The following RNF122 variants were observed in gnomAD, a reference collection of about 807,000 sequenced individuals.
RNF122 encodes the protein ring finger protein 122.
In RNF122, 17 loss-of-function variants were observed where a neutral mutation model predicts 24.2. The observed-to-expected ratio is 0.70, with a 90% CI of 0.48 to 1.06. The LOEUF is 1.06. Ranked by LOEUF, RNF122 falls within the 50% of genes least tolerant of loss-of-function variation. RNF122 has a pLI of 0.00. For synonymous variants in RNF122, 65 were observed against 71.8 expected (o/e 0.91, Z 0.48); for missense variants, 168 against 198.1 (o/e 0.85, Z 0.91).
rs1810321882 is a variant in RNF122, at chr8:33,548,532, C to T, written c.*221G>A. On this transcript the variant is annotated 3_prime_UTR_variant, in exon 6 of 6. Coordinates refer to ENST00000256257, the MANE Select transcript of RNF122 (RefSeq NM_024787.3). Reference sequence around the variant, plus strand: ...CAGTGGTCTTGATGGGTGAGGCCACCAGCATGGAGTAGCAGGGAAGAAGGC... The same window carrying T: ...CAGTGGTCTTGATGGGTGAGGCCACTAGCATGGAGTAGCAGGGAAGAAGGC... 2.1e-6 allele frequency: 1 copy of T among 465,594 alleles called. No homozygotes were observed. 28.8% of individuals were successfully genotyped at this position (465,594 alleles called of 1,614,324 possible). A position where few individuals can be genotyped will look rare whatever the true frequency, so the allele number is the denominator to read the frequency against.
At chr8:33,563,124 A>C (rs1810566277) in intron 1 of RNF122, among the ~76,000 whole-genome samples, 1 of 151,730 alleles carries the variant, frequency 6.6e-6, no homozygotes, top group Non-Finnish European at 1.5e-5. Flanking sequence ...AAAGAAAAAA[A>C]AAAAAAAGCC....
At chr8:33,549,592 A>G (rs1015534915) in intron 4 of RNF122, 100 bp from the exon 5 acceptor site, 17 of 839,258 alleles carry the variant, frequency 2.0e-5, no homozygotes, top group Non-Finnish European at 3.4e-5. Context: ...CTGTTCTACC[A>G]GGCAGAGAAA....
At chr8:33,549,028 C>G (rs143047865) in intron 5 of RNF122, among the ~76,000 whole-genome samples, 161 bp from the exon 6 acceptor site, 2,658 of 152,096 alleles carry the variant, frequency 0.017, 79 homozygotes, top group African/African-American at 0.06. Flanking sequence ...CGAGACCAGC[C>G]TGGCCAACAT....
chr8:33,559,075 C>A (rs1159363337), intron 1 of RNF122, among the ~76,000 whole-genome samples: 1 of 152,066 alleles, frequency 6.6e-6, no homozygotes, highest in African/African-American at 2.4e-5. Flanking sequence ...GAGGCTGAGG[C>A]AGGTGATCTC....
At chr8:33,560,399 G>T (rs1250898297) in intron 1 of RNF122, among the ~76,000 whole-genome samples, 2 of 151,906 alleles carry the variant, frequency 1.3e-5, no homozygotes, top group Non-Finnish European at 2.9e-5. Flanking sequence ...TGGAGACAAG[G>T]TCTCACTCTG....
chr8:33,551,024 C>A lies in RNF122; in HGVS notation c.270+20G>T, dbSNP rs201097247. ...CCTCACCTGCTGGGGCCCTCCTGCACACTTTCCTGGCACACTTACCCCATA... is the reference window on the plus strand; with the variant it reads ...CCTCACCTGCTGGGGCCCTCCTGCAAACTTTCCTGGCACACTTACCCCATA... On this transcript the variant is annotated intron_variant, in intron 4 of 5. Transcript: ENST00000256257. 2 of 1,613,852 alleles carry A rather than the reference C, an allele frequency of 1.2e-6. No individual in the cohort carries two copies. The highest frequency in any genetic ancestry group is 1.7e-5 in the Admixed American group (1 of 60,002).
Position 33,548,791 on chromosome 8 carries a change from T to C in RNF122, c.430A>G (p.Thr144Ala). Residue 144 changes from threonine to alanine, a missense_variant, in exon 6 of 6, where the codon ACG (threonine) becomes GCG (alanine). Transcript: ENST00000256257. ...TCCAATAGAATCCCAATGTTCTGCG[T>C]GGCCTCTGAGGGACTAGCAATGGGC... Reference protein sequence around the residue: ...NKPIASPSEATQNIGILLDEL... With the variant: ...NKPIASPSEAAQNIGILLDEL... The C allele has an allele frequency of 6.2e-7, 1 of 1,613,970 alleles. No individual in the cohort carries two copies. Among genetic ancestry groups the C allele is most frequent in the Non-Finnish European group, 8.5e-7 (1 of 1,179,932 alleles).
At chr8:33,549,531 A>T in intron 4 of RNF122, 39 bp from the exon 5 acceptor site, 2 of 1,485,882 alleles carry the variant, frequency 1.3e-6, no homozygotes, top group Non-Finnish European at 1.9e-6. Context: ...GGAACTGGGG[A>T]ACCATCTCAC....
chr8:33,552,339 C>T (rs910242918), intron 2 of RNF122, among the ~76,000 whole-genome samples: 10 of 152,036 alleles, frequency 6.6e-5, no homozygotes, highest in African/African-American at 2.4e-4. Flanking sequence ...ACGGAGGTTG[C>T]AGTGAGCCGA....
In RNF122 at chr8:33,560,268, C is replaced by G. The variant is rs149777752; in HGVS notation, c.26-1497G>C. 4.6e-5 allele frequency among the ~76,000 whole-genome samples: 7 copies of G among 152,328 alleles called. No individual in the cohort carries two copies. In the South Asian group the frequency reaches 6.2e-4, roughly 14 times the overall value. ...GATAAATACTGACTGGCCTACTCAT[C>G]ATGATAGTCACCTCTCCCTTCCCCC... is the stretch of plus-strand genomic sequence containing the variant. On this transcript the variant is annotated intron_variant, in intron 1 of 5. Coordinates refer to ENST00000256257, the MANE Select transcript of RNF122 (RefSeq NM_024787.3).
rs1054105199 is a variant in RNF122 at position 33,567,107 on chromosome 8, T to C, written c.-384A>G. 1.9e-4 allele frequency: 53 copies of C among 278,246 alleles called. No individual in the cohort carries two copies. The highest frequency in any genetic ancestry group is 3.3e-4 in the Non-Finnish European group (47 of 143,112). The allele number at this position is 278,246 out of a possible 1,614,324, so 17.2% of individuals were successfully genotyped here. ...CGGGTTCAGCGGCGCAGAGGTGAGC[T>C]GGCTGGGGTTCCGAAACTGACACCC... is the stretch of plus-strand genomic sequence containing the variant. On this transcript the variant is annotated 5_prime_UTR_variant, in exon 1 of 6. Coordinates refer to ENST00000256257, the MANE Select transcript of RNF122 (RefSeq NM_024787.3).
intron 1 of RNF122, among the ~76,000 whole-genome samples, chr8:33,563,008 T>C (rs1174902363): frequency 1.3e-5 from 2 of 151,856 alleles, no homozygotes; most frequent in East Asian, 3.9e-4. Context: ...GGAGAATTGG[T>C]TGAACCCGGG....
At chr8:33,551,176 C>A (rs369194696) in intron 3 of RNF122, 91 bp from the exon 4 acceptor site, 1 of 1,518,680 alleles carries the variant, frequency 6.6e-7, no homozygotes, top group Non-Finnish European at 9.1e-7. Context: ...GTCCCCTGGA[C>A]TGCCTGGGGC....
rs1810307369 is a variant in RNF122, at chr8:33,547,836, A to G, written c.*917T>C. ...ACCCTCACCCACTCCAGGGAGGAAC[A>G]GAAAATCCCCACCCCCTTCCATTCT... is the stretch of plus-strand genomic sequence containing the variant. On this transcript the variant is annotated 3_prime_UTR_variant, in exon 6 of 6. Transcript: ENST00000256257. 1 of 152,056 alleles carries G rather than the reference A, an allele frequency of 6.6e-6. No individual in the cohort carries two copies. Among genetic ancestry groups the G allele is most frequent in the Admixed American group, 6.6e-5 (1 of 15,238 alleles). The allele number at this position is 152,056 out of a possible 1,614,324, so 9.4% of individuals were successfully genotyped here.
intron 5 of RNF122, 29 bp from the exon 6 acceptor site, chr8:33,548,896 T>G: frequency 3.0e-4 from 434 of 1,444,590 alleles, no homozygotes; most frequent in Non-Finnish European, 3.8e-4. Flanking sequence ...TGGTAATCTC[T>G]AACCAGACAG....
intron 1 of RNF122, among the ~76,000 whole-genome samples, chr8:33,564,873 AAAAAAAT>A (rs1156426188): frequency 7.9e-5 from 12 of 152,230 alleles, no homozygotes; most frequent in East Asian, 7.7e-4. Context: ...ACTCAGTCTC[AAAAAAAT>A]AAAAAATAAA....
At chr8:33,561,927 C>T (rs1437505966) in intron 1 of RNF122, among the ~76,000 whole-genome samples, 1 of 152,104 alleles carries the variant, frequency 6.6e-6, no homozygotes. Flanking sequence ...CCTGTCCCTT[C>T]ACAACTTCCT....
chr8:33,550,555 C>T (rs1380972159), intron 4 of RNF122, among the ~76,000 whole-genome samples: 1 of 144,952 alleles, frequency 6.9e-6, no homozygotes, highest in Non-Finnish European at 1.5e-5. Flanking sequence ...TGAGGGGACT[C>T]AAGGAACTGG....
chr8:33,554,181 G>C (rs1810416565), intron 2 of RNF122, among the ~76,000 whole-genome samples: 1 of 152,200 alleles, frequency 6.6e-6, no homozygotes, highest in Non-Finnish European at 1.5e-5. Flanking sequence ...CCCAGGGACA[G>C]GGAGCTCACA....
Sources: gnomAD v4.1 joint callset for allele counts (sites outside exome capture counted in the v4.1 genomes callset) on GRCh38, gnomAD v4.1.1 for gene constraint, MANE v1.5 for transcripts, NCBI Gene and HGNC (gene_info 2026-07-23, HGNC 2026-07-21) for gene names.